SPOCK1: variants seen among roughly 807,000 people sequenced by gnomAD.
The protein encoded by SPOCK1 is SPARC (osteonectin), cwcv and kazal like domains proteoglycan 1.
Under a neutral mutation model 55.3 loss-of-function variants are expected in SPOCK1, and 23 were observed. The observed-to-expected ratio is 0.42, with a 90% CI of 0.30 to 0.59. The LOEUF is 0.59. Ranked by LOEUF, SPOCK1 falls within the 20% of genes least tolerant of loss-of-function variation. The probability of loss-of-function intolerance (pLI) is 0.22; values close to 1 mark genes in which losing one functional copy is unlikely to be tolerated. For missense variants in SPOCK1, 499 were observed against 552.5 expected (o/e 0.90, Z 0.97); for synonymous variants, 226 against 221.0 (o/e 1.02, Z -0.20).
rs146983917 is a variant in SPOCK1 at position 137,452,681 on chromosome 5, T to C, written c.186+45692A>G. 1.4e-3 allele frequency among the ~76,000 whole-genome samples: 208 copies of C among 152,366 alleles called. 6 individuals are homozygous for C. The East Asian group carries it at 0.038, about 28-fold the overall frequency. ...ACAAATCCCAAAGCATAGTTATGAC[T>C]ACAATGGTACTTGTATTTTTATTAC... On this transcript the variant is annotated intron_variant, in intron 2 of 10. Transcript: ENST00000394945.
intron 5 of SPOCK1, among the ~76,000 whole-genome samples, chr5:137,076,946 CAG>C (rs1423150892): frequency 6.6e-6 from 1 of 151,872 alleles, no homozygotes; most frequent in Non-Finnish European, 1.5e-5. Flanking sequence ...TTTTTTGAGA[CAG>C]AGTCTCGCTC....
intron 2 of SPOCK1, among the ~76,000 whole-genome samples, chr5:137,483,825 A>G (rs1284028676): frequency 6.6e-6 from 1 of 152,210 alleles, no homozygotes; most frequent in Non-Finnish European, 1.5e-5. Context: ...TCACTGCTCT[A>G]GGCCTGCAGA....
chr5:137,165,076 G>T (rs1254342267), intron 3 of SPOCK1, among the ~76,000 whole-genome samples: 1 of 152,174 alleles, frequency 6.6e-6, no homozygotes, highest in African/African-American at 2.4e-5. Context: ...GCAAACATAA[G>T]CCATAGCCAG....
At chr5:137,078,378 G>A (rs1752816167) in intron 5 of SPOCK1, among the ~76,000 whole-genome samples, 1 of 152,186 alleles carries the variant, frequency 6.6e-6, no homozygotes, top group Admixed American at 6.5e-5. Context: ...TCTCCATGCT[G>A]CCTGTTCCCC....
intron 2 of SPOCK1, among the ~76,000 whole-genome samples, chr5:137,376,328 C>G (rs970851163): frequency 1.3e-5 from 2 of 152,238 alleles, no homozygotes; most frequent in African/African-American, 4.8e-5. Flanking sequence ...GCCCCGCCCT[C>G]TTGTGCTACC....
At chr5:137,397,714 T>C (rs1025319523) in intron 2 of SPOCK1, among the ~76,000 whole-genome samples, 3 of 152,130 alleles carry the variant, frequency 2.0e-5, no homozygotes, top group Non-Finnish European at 2.9e-5. Flanking sequence ...ACTTACCCTC[T>C]CTGAGATTCA....
intron 2 of SPOCK1, among the ~76,000 whole-genome samples, chr5:137,395,408 T>C (rs1288897601): frequency 6.6e-6 from 1 of 152,220 alleles, no homozygotes; most frequent in African/African-American, 2.4e-5. Context: ...AAGTGCAGTC[T>C]TGACAAACAG....
chr5:136,982,237 C>A (rs980602882), intron 9 of SPOCK1, among the ~76,000 whole-genome samples: 1 of 152,050 alleles, frequency 6.6e-6, no homozygotes, highest in Non-Finnish European at 1.5e-5. Flanking sequence ...GATATTTCAG[C>A]GAGATGATTG....
intron 6 of SPOCK1, among the ~76,000 whole-genome samples, chr5:137,055,328 A>G (rs536557180): frequency 6.6e-6 from 1 of 152,328 alleles, no homozygotes; most frequent in Non-Finnish European, 1.5e-5. Flanking sequence ...TACATTACTC[A>G]TTACCAACAG....
intron 2 of SPOCK1, among the ~76,000 whole-genome samples, chr5:137,321,658 G>A (rs1480978996): frequency 1.3e-5 from 2 of 152,058 alleles, no homozygotes; most frequent in Admixed American, 6.5e-5. Flanking sequence ...GGTGGATCAC[G>A]AGGTCAGGAG....
At position 136,976,950 on chromosome 5, in the gene SPOCK1, T is replaced by G. The variant is rs1750629449; in HGVS notation, c.*1704A>C. 6.6e-6 allele frequency: 1 copy of G among 152,240 alleles called. No homozygotes were observed. Among genetic ancestry groups the G allele is most frequent in the Non-Finnish European group, 1.5e-5 (1 of 68,052 alleles). 9.4% of individuals were successfully genotyped at this position (152,240 alleles called of 1,614,324 possible). On this transcript the variant is annotated 3_prime_UTR_variant, in exon 11 of 11. Coordinates refer to ENST00000394945, the MANE Select transcript of SPOCK1 (RefSeq NM_004598.4). ...ATGGGGGATTGGTCAGCTGCCACTA[T>G]AATCATGTTTTGGCTGAACATATTT...
chr5:137,497,333 C>T (rs1171252067), intron 2 of SPOCK1, among the ~76,000 whole-genome samples: 1 of 152,176 alleles, frequency 6.6e-6, no homozygotes, highest in Non-Finnish European at 1.5e-5. Context: ...CAGAAACAAA[C>T]AAAAAGAAAC....
intron 2 of SPOCK1, among the ~76,000 whole-genome samples, chr5:137,370,007 T>C (rs533413410): frequency 1.3e-5 from 2 of 152,324 alleles, no homozygotes; most frequent in African/African-American, 4.8e-5. Context: ...CGTGATTTAC[T>C]GGGATCCCAC....
chr5:137,464,726 G>C (rs1420852095), intron 2 of SPOCK1, among the ~76,000 whole-genome samples: 1 of 152,198 alleles, frequency 6.6e-6, no homozygotes, highest in Admixed American at 6.5e-5. Context: ...TGCACATGCT[G>C]ACTGTGGGGT....
chr5:137,213,170 C>T (rs1272817676), intron 3 of SPOCK1, among the ~76,000 whole-genome samples: 4 of 152,134 alleles, frequency 2.6e-5, no homozygotes, highest in Non-Finnish European at 1.5e-5. Context: ...AAATCATCCA[C>T]CCCAGCACCA....
chr5:137,370,590 C>G (rs1285226278), intron 2 of SPOCK1, among the ~76,000 whole-genome samples: 1 of 152,222 alleles, frequency 6.6e-6, no homozygotes, highest in Admixed American at 6.5e-5. Flanking sequence ...ATTCAATGTC[C>G]TGCGGCAACA....
At chr5:137,217,284 C>A (rs1471627253) in intron 3 of SPOCK1, among the ~76,000 whole-genome samples, 1 of 152,194 alleles carries the variant, frequency 6.6e-6, no homozygotes, top group East Asian at 1.9e-4. Context: ...GAGAGAGCAC[C>A]ATCTCATCCA....
intron 5 of SPOCK1, among the ~76,000 whole-genome samples, chr5:137,087,283 T>C (rs559250704): frequency 2.6e-5 from 4 of 152,274 alleles, no homozygotes; most frequent in East Asian, 3.9e-4. Context: ...GGCTGACTGC[T>C]GGAGGAATAG....
At chr5:137,109,883 A>G (rs1753435252) in intron 5 of SPOCK1, among the ~76,000 whole-genome samples, 1 of 152,192 alleles carries the variant, frequency 6.6e-6, no homozygotes, top group South Asian at 2.1e-4. Context: ...AGTACTTACT[A>G]AAATTTGAAA....
Sources: allele counts gnomAD v4.1 joint callset (sites outside exome capture counted in the v4.1 genomes callset), GRCh38; gene constraint gnomAD v4.1.1; transcripts MANE v1.5; gene names NCBI Gene and HGNC (gene_info 2026-07-23, HGNC 2026-07-21).